The following DTNA variants were observed in gnomAD, a reference collection of about 807,000 sequenced individuals.
DTNA encodes dystrobrevin alpha.
Under a neutral mutation model 100.7 loss-of-function variants are expected in DTNA, and 43 were observed. The observed-to-expected ratio is 0.43, with a 90% CI of 0.33 to 0.55. The LOEUF is 0.55. Among genes scored for constraint, DTNA ranks in the 20% least tolerant of loss-of-function variants. The pLI, the probability that DTNA is intolerant of heterozygous loss-of-function variation, is 0.04. For missense variants in DTNA, 798 were observed against 953.9 expected (o/e 0.84, Z 2.15); for synonymous variants, 349 against 347.9 (o/e 1.00, Z -0.04).
At chr18:34,828,825 C>G (rs2095924751) in intron 10 of DTNA, among the ~76,000 whole-genome samples, 1 of 152,064 alleles carries the variant, frequency 6.6e-6, no homozygotes, top group Non-Finnish European at 1.5e-5. Context: ...TTTTAGCACT[C>G]TTTTTTAGAA....
chr18:34,668,276 C>T (rs1363777872), intron 1 of DTNA, among the ~76,000 whole-genome samples: 2 of 152,118 alleles, frequency 1.3e-5, no homozygotes, highest in Non-Finnish European at 2.9e-5. Flanking sequence ...GTTATAACCC[C>T]TTTATCATTT....
At chr18:34,875,194 C>G (rs1255691820) in intron 17 of DTNA, 45 bp from the exon 18 acceptor site, 1 of 1,607,930 alleles carries the variant, frequency 6.2e-7, no homozygotes. Context: ...TGACATATGA[C>G]ATTTTCTTGG....
At chr18:34,573,396 T>A (rs540955060) in intron 1 of DTNA, among the ~76,000 whole-genome samples, 1 of 152,072 alleles carries the variant, frequency 6.6e-6, no homozygotes, top group African/African-American at 2.4e-5. Flanking sequence ...ATGCCTAAAA[T>A]CCCGTTTTAA....
At chr18:34,607,588 G>C (rs1405748774) in intron 1 of DTNA, among the ~76,000 whole-genome samples, 1 of 152,152 alleles carries the variant, frequency 6.6e-6, no homozygotes, top group Non-Finnish European at 1.5e-5. Context: ...TTTTCTCATA[G>C]TTTCAGCCCT....
At chr18:34,781,606 C>A (rs1474297321) in intron 3 of DTNA, among the ~76,000 whole-genome samples, 2 of 151,988 alleles carry the variant, frequency 1.3e-5, no homozygotes, top group Non-Finnish European at 2.9e-5. Flanking sequence ...GATTAACCAC[C>A]TAGAGATCTC....
intron 2 of DTNA, chr18:34,760,183 T>C (rs1477062781): frequency 6.6e-6 from 1 of 152,142 alleles, no homozygotes; most frequent in Non-Finnish European, 1.5e-5. Flanking sequence ...TGTTTTCACT[T>C]GCTTCTTCAT....
chr18:34,719,980 CA>C (rs1237880374), intron 1 of DTNA, among the ~76,000 whole-genome samples: 1 of 152,146 alleles, frequency 6.6e-6, no homozygotes, highest in East Asian at 1.9e-4. Context: ...AATTCCCTTC[CA>C]AGCTTGGTAT....
Position 34,890,805 on chromosome 18 carries a change from T to C in DTNA, c.*3071T>C. The C allele has an allele frequency of 8.2e-6, 2 of 242,678 alleles. No individual in the cohort carries two copies. The highest frequency in any genetic ancestry group is 1.6e-5 in the Non-Finnish European group (2 of 123,778). The allele number at this position is 242,678 out of a possible 1,614,324, so 15.0% of individuals were successfully genotyped here. Reference sequence around the variant, plus strand: ...AAGTAGTAATGTGAACTGAATTGCATTAAGAGTGTGTGGCCTTTGTTGTGA... The same window carrying C: ...AAGTAGTAATGTGAACTGAATTGCACTAAGAGTGTGTGGCCTTTGTTGTGA... On this transcript the variant is annotated 3_prime_UTR_variant, in exon 23 of 23. Transcript: ENST00000444659.
At chr18:34,843,070 T>G (rs1285555514) in intron 13 of DTNA, among the ~76,000 whole-genome samples, 1 of 152,150 alleles carries the variant, frequency 6.6e-6, no homozygotes, top group African/African-American at 2.4e-5. Flanking sequence ...GTGCAGTAGC[T>G]AAAAAAATTC....
chr18:34,883,127 A>T (rs1001192719), intron 21 of DTNA, among the ~76,000 whole-genome samples: 1 of 152,176 alleles, frequency 6.6e-6, no homozygotes, highest in Admixed American at 6.5e-5. Flanking sequence ...AGGTCGTTCT[A>T]CTACCTTGTT....
At chr18:34,674,819 G>C (rs943016902) in intron 1 of DTNA, among the ~76,000 whole-genome samples, 1 of 152,140 alleles carries the variant, frequency 6.6e-6, no homozygotes, top group Non-Finnish European at 1.5e-5. Flanking sequence ...AGAGTTGCAC[G>C]TATTCTTATA....
chr18:34,880,702 A>G (rs758081848), intron 20 of DTNA, among the ~76,000 whole-genome samples: 4 of 152,218 alleles, frequency 2.6e-5, no homozygotes, highest in Non-Finnish European at 4.4e-5. Context: ...ATCAGTAATC[A>G]TGGAGAATTA....
At chr18:34,610,470 A>G (rs942722675) in intron 1 of DTNA, among the ~76,000 whole-genome samples, 1 of 152,218 alleles carries the variant, frequency 6.6e-6, no homozygotes, top group Non-Finnish European at 1.5e-5. Flanking sequence ...ATGACTGAGC[A>G]TACGGAACAT....
chr18:34,767,152 C>T (rs2093522966), intron 3 of DTNA, among the ~76,000 whole-genome samples: 1 of 151,970 alleles, frequency 6.6e-6, no homozygotes, highest in Admixed American at 6.6e-5. Context: ...AAAATGAAAA[C>T]CGTAATGTTC....
intron 1 of DTNA, among the ~76,000 whole-genome samples, chr18:34,687,882 C>T (rs964422565): frequency 2.6e-5 from 4 of 152,124 alleles, no homozygotes; most frequent in Non-Finnish European, 5.9e-5. Context: ...ATCCCTTTAA[C>T]ATTATGTAAT....
At chr18:34,790,564 TA>T (rs11312016) in intron 3 of DTNA, among the ~76,000 whole-genome samples, 42,582 of 77,912 alleles carry the variant, frequency 0.55, 11,561 homozygotes, top group South Asian at 0.72. Flanking sequence ...TATATATATA[TA>T]TATTTTTTTT....
Position 34,630,396 on chromosome 18 carries a change from C to T in DTNA, c.-1-125580C>T, listed in dbSNP as rs137894051. The stretch of plus-strand genomic sequence containing the variant: ...AACTCTAAGCCTTAGCTGCTAATCA[C>T]ATGCAGTGTATGATCATTTTACTCT... On this transcript the variant is annotated intron_variant, in intron 1 of 19. Coordinates refer to the DTNA transcript ENST00000283365. 1.5e-3 allele frequency among the ~76,000 whole-genome samples: 222 copies of T among 152,234 alleles called. 2 individuals are homozygous for T. The highest frequency in any genetic ancestry group is 4.9e-3 in the African/African-American group (205 of 41,540).
rs1199585153 is a variant in DTNA at position 34,890,697 on chromosome 18, G to T, written c.*2963G>T. 2 of 576,778 alleles carry T rather than the reference G, an allele frequency of 3.5e-6. No homozygotes were observed. Among genetic ancestry groups the T allele is most frequent in the East Asian group, 6.2e-5 (2 of 32,170 alleles). 35.7% of individuals were successfully genotyped at this position (576,778 alleles called of 1,614,324 possible). On this transcript the variant is annotated 3_prime_UTR_variant, in exon 23 of 23. Transcript: ENST00000444659. ...TCAGGACGGAAGTTGGGGTAAGTTT[G>T]GTTGGTCAGAGGGAGTTGTGCTGGA...
intron 1 of DTNA, among the ~76,000 whole-genome samples, chr18:34,684,265 A>G (rs2078545740): frequency 6.6e-6 from 1 of 152,062 alleles, no homozygotes; most frequent in African/African-American, 2.4e-5. Context: ...CGTCATCTAC[A>G]TTAGGTATTT....
Sources: allele counts gnomAD v4.1 joint callset (sites outside exome capture counted in the v4.1 genomes callset), GRCh38; gene constraint gnomAD v4.1.1; transcripts MANE v1.5; gene names NCBI Gene and HGNC (gene_info 2026-07-23, HGNC 2026-07-21).